The following NEMP2 variants were observed in gnomAD, a reference collection of about 807,000 sequenced individuals.
NEMP2 encodes the protein nuclear envelope integral membrane protein 2.
NEMP2 carries 53 observed loss-of-function variants against 54.2 expected under a neutral mutation model. The observed-to-expected ratio is 0.98, with a 90% confidence interval of 0.78 to 1.23. The LOEUF is 1.23. Ranked by LOEUF, NEMP2 falls within the 50% of genes most tolerant of loss-of-function variation. NEMP2 has a pLI of 0.00. For missense variants in NEMP2, 455 were observed against 511.3 expected (o/e 0.89, Z 1.06); for synonymous variants, 197 against 190.3 (o/e 1.04, Z -0.29).
At chr2:190,439,647 C>A in the NEMP2 span, among the ~76,000 whole-genome samples, 1 of 152,142 alleles carries the variant, frequency 6.6e-6, no homozygotes, top group Non-Finnish European at 1.5e-5. The surrounding 1 kb of genome is among the most constrained non-coding windows in gnomAD (Gnocchi z 5.8). Flanking sequence ...ATTCACTTAA[C>A]CTTAATTTTC....
At chr2:190,485,135 A>G in the NEMP2 span, among the ~76,000 whole-genome samples, 1 of 152,220 alleles carries the variant, frequency 6.6e-6, no homozygotes, top group South Asian at 2.1e-4. The surrounding 1 kb of genome is among the most constrained non-coding windows in gnomAD (Gnocchi z 5.1). Context: ...AAATGCTTTA[A>G]TTATCTTAGA....
chr2:190,498,174 C>T, the NEMP2 span, among the ~76,000 whole-genome samples: 1 of 152,236 alleles, frequency 6.6e-6, no homozygotes, highest in East Asian at 1.9e-4. This position sits in a 1 kb window ranked among gnomAD's most constrained non-coding sequence, Gnocchi z 5.9. Flanking sequence ...TGCAGGTGGC[C>T]TCACCTGAAA....
chr2:190,532,844 C>G (rs138757152), intron 1 of NEMP2, among the ~76,000 whole-genome samples: 2 of 152,182 alleles, frequency 1.3e-5, no homozygotes, highest in African/African-American at 2.4e-5. Context: ...AGATGCTGGG[C>G]GCTTCACAGT....
rs1041002932 is a variant in NEMP2, at chr2:190,521,973, T to C, written c.214-2790A>G. On this transcript the variant is annotated intron_variant, in intron 2 of 8. Transcript: ENST00000409150. The surrounding 1 kb of genome is among the most constrained non-coding windows in gnomAD (Gnocchi z 6.2). The stretch of plus-strand genomic sequence containing the variant: ...CTCAGTTTCATGGCTTTAGGCACCA[T>C]CTATATAAATATGCATCGCTAATTA... Among the ~76,000 whole-genome samples, 5 of 152,060 alleles carry C rather than the reference T, an allele frequency of 3.3e-5. No homozygotes were observed. The highest frequency in any genetic ancestry group is 5.9e-5 in the Non-Finnish European group (4 of 68,016).
chr2:190,638,839 G>A, the NEMP2 span, among the ~76,000 whole-genome samples: 6 of 152,268 alleles, frequency 3.9e-5, no homozygotes, highest in African/African-American at 1.4e-4. The surrounding 1 kb of genome is among the most constrained non-coding windows in gnomAD (Gnocchi z 5.7). Context: ...AGGAACCAGA[G>A]CAGCAGATGG....
chr2:190,624,761 C>T, the NEMP2 span: 5 of 152,088 alleles, frequency 3.3e-5, no homozygotes, highest in African/African-American at 1.2e-4. Context: ...ATGTGGATCT[C>T]ATGGAGGTAG....
the NEMP2 span, among the ~76,000 whole-genome samples, chr2:190,458,152 G>C: frequency 6.6e-6 from 1 of 152,164 alleles, no homozygotes; most frequent in South Asian, 2.1e-4. The surrounding 1 kb of genome is among the most constrained non-coding windows in gnomAD (Gnocchi z 5.3). Flanking sequence ...TGTTGGAGTT[G>C]TAAGTGACCT....
At chr2:190,431,471 G>C in the NEMP2 span, among the ~76,000 whole-genome samples, 3 of 152,260 alleles carry the variant, frequency 2.0e-5, no homozygotes, top group South Asian at 4.1e-4. The surrounding 1 kb of genome is among the most constrained non-coding windows in gnomAD (Gnocchi z 4.4). Context: ...TGGAGGCCGA[G>C]GCTGGCGGAT....
At chr2:190,631,934 T>C in the NEMP2 span, among the ~76,000 whole-genome samples, 26 of 152,316 alleles carry the variant, frequency 1.7e-4, no homozygotes, top group Non-Finnish European at 3.2e-4. Context: ...CACGCATCTG[T>C]AGTTCCAGCT....
the NEMP2 span, among the ~76,000 whole-genome samples, chr2:190,451,202 C>T: frequency 3.6e-3 from 554 of 152,336 alleles, 1 homozygote; most frequent in Non-Finnish European, 5.9e-3. The surrounding 1 kb of genome is among the most constrained non-coding windows in gnomAD (Gnocchi z 5.0). Context: ...AAATCCCACA[C>T]TTAGTCCTGT....
chr2:190,430,322 C>T, the NEMP2 span, among the ~76,000 whole-genome samples: 2 of 150,230 alleles, frequency 1.3e-5, no homozygotes, highest in African/African-American at 4.9e-5. Context: ...GAACAAAGAT[C>T]TCTGGTTTTC....
At position 190,529,771 on chromosome 2, in the gene NEMP2, C is replaced by T. The variant is rs966359746; in HGVS notation, c.98-4393G>A. Among the ~76,000 whole-genome samples, 7 of 152,186 alleles carry T rather than the reference C, an allele frequency of 4.6e-5. No individual in the cohort carries two copies. Among genetic ancestry groups the T allele is most frequent in the Non-Finnish European group, 7.4e-5 (5 of 68,024 alleles). On this transcript the variant is annotated intron_variant, in intron 1 of 8. Coordinates refer to ENST00000409150, the MANE Select transcript of NEMP2 (RefSeq NM_001142645.2). The surrounding 1 kb of genome is among the most constrained non-coding windows in gnomAD (Gnocchi z 4.7). ...TTGTAAGAGCCTGGCCAGGAATAGT[C>T]AGCACCGTAAAAGAAGGTGCACTCT... is the stretch of plus-strand genomic sequence containing the variant.
At chr2:190,497,541 T>G in the NEMP2 span, 5 of 1,614,218 alleles carry the variant, frequency 3.1e-6, no homozygotes, top group South Asian at 2.2e-5. The surrounding 1 kb of genome is among the most constrained non-coding windows in gnomAD (Gnocchi z 5.2). Flanking sequence ...ATGCCACGCA[T>G]TGAGCCCAGA....
chr2:190,450,865 A>G, the NEMP2 span, among the ~76,000 whole-genome samples: 7 of 152,214 alleles, frequency 4.6e-5, no homozygotes, highest in East Asian at 1.3e-3. Context: ...AGAAGAATAA[A>G]CTTTCGGTTA....
rs1220138399 is a variant in NEMP2, at chr2:190,522,361, CA to C, written c.213+2901del. Reference sequence around the variant, plus strand: ...TGTGACAAACCTGCACATGTACCCCCAAATCTAAAAAATTAAAAATTAAGAA... The same window carrying C: ...TGTGACAAACCTGCACATGTACCCCCAATCTAAAAAATTAAAAATTAAGAA... On this transcript the variant is annotated intron_variant, in intron 2 of 8. Coordinates refer to ENST00000409150, the MANE Select transcript of NEMP2 (RefSeq NM_001142645.2). The surrounding 1 kb of genome is among the most constrained non-coding windows in gnomAD (Gnocchi z 5.0). Among the ~76,000 whole-genome samples, 1 of 151,484 alleles carries C rather than the reference CA, an allele frequency of 6.6e-6. No individual in the cohort carries two copies. The highest frequency in any genetic ancestry group is 1.9e-4 in the East Asian group (1 of 5,170).
At chr2:190,648,128 C>T in the NEMP2 span, 1 of 152,164 alleles carries the variant, frequency 6.6e-6, no homozygotes, top group Admixed American at 6.5e-5. Context: ...ATACTAGCGC[C>T]GTAGTTTTTC....
chr2:190,435,486 G>A, the NEMP2 span, among the ~76,000 whole-genome samples: 1 of 152,104 alleles, frequency 6.6e-6, no homozygotes, highest in African/African-American at 2.4e-5. Flanking sequence ...CAATGCCATC[G>A]GCTTCCTCTT....
At chr2:190,536,915 T>C (rs2125367678), upstream of NEMP2, among the ~76,000 whole-genome samples, 1 of 152,352 alleles carries the variant, frequency 6.6e-6, no homozygotes, top group Non-Finnish European at 1.5e-5. Flanking sequence ...GGCATGTTTA[T>C]TTCTGGACAT....
chr2:190,540,561 G>A, the NEMP2 span, among the ~76,000 whole-genome samples: 3 of 152,138 alleles, frequency 2.0e-5, no homozygotes, highest in Non-Finnish European at 4.4e-5. Context: ...AACTTGCTGG[G>A]ATTACAGGCA....
Sources: gnomAD v4.1 joint callset for allele counts (sites outside exome capture counted in the v4.1 genomes callset) on GRCh38, gnomAD v4.1.1 for gene constraint, Gnocchi (gnomAD v3.1) non-coding constraint, MANE v1.5 for transcripts, NCBI Gene and HGNC (gene_info 2026-07-23, HGNC 2026-07-21) for gene names.